PRRG4: variants seen among roughly 807,000 people sequenced by gnomAD.
PRRG4 encodes transmembrane gamma-carboxyglutamic acid protein 4.
PRRG4 carries 12 observed loss-of-function variants against 20.0 expected under a neutral mutation model. The observed-to-expected ratio is 0.60, with a 90% CI of 0.38 to 0.97. The LOEUF is 0.97. Ranked by LOEUF, PRRG4 falls within the 50% of genes least tolerant of loss-of-function variation. The pLI is 0.00. For missense variants in PRRG4, 199 were observed against 265.1 expected (o/e 0.75, Z 1.73); for synonymous variants, 94 against 96.4 (o/e 0.98, Z 0.15).
intron 3 of PRRG4, among the ~76,000 whole-genome samples, chr11:32,837,519 TGATGATGATGATGATG>T (rs1851031812): frequency 1.9e-5 from 2 of 105,644 alleles, no homozygotes; most frequent in African/African-American, 7.5e-5. Flanking sequence ...ATGATGATGA[TGATGATGATGATGATG>T]ATGATGATTA....
chr11:32,844,520 A>T (rs2133445859), intron 5 of PRRG4, among the ~76,000 whole-genome samples: 1 of 134,838 alleles, frequency 7.4e-6, no homozygotes, highest in East Asian at 2.2e-4. Context: ...TATTATTTTG[A>T]GACGGAGTCT....
chr11:32,837,125 C>T (rs1851027381), intron 3 of PRRG4, among the ~76,000 whole-genome samples: 1 of 152,060 alleles, frequency 6.6e-6, no homozygotes, highest in Admixed American at 6.6e-5. Context: ...AGTGCTCTAA[C>T]TCAGGCTTCA....
chr11:32,837,537 TGATG>T (rs1565113870), intron 3 of PRRG4, among the ~76,000 whole-genome samples: 6,128 of 98,016 alleles, frequency 0.063, 139 homozygotes, highest in South Asian at 0.091. Flanking sequence ...ATGATGATGA[TGATG>T]ATTATTATTA....
rs142407881 is a variant in PRRG4, at chr11:32,853,507, A to G, written c.661A>G (p.Met221Val). The change falls in exon 6 of 6, where the codon ATG becomes GTG. Residue 221 changes from methionine (M) to valine (V), a missense_variant. Coordinates refer to ENST00000257836, the MANE Select transcript of PRRG4 (RefSeq NM_024081.6). ...AGGATTTAGGGTATTTAAAAAATCTATGTCTCTCCCATCTCACTGACTACC... is the reference window on the plus strand; with the variant it reads ...AGGATTTAGGGTATTTAAAAAATCTGTGTCTCTCCCATCTCACTGACTACC... ...TKGFRVFKKSMSLPSH is the reference protein window; with the variant it reads ...TKGFRVFKKSVSLPSH The G allele has an allele frequency of 7.2e-5, 116 of 1,613,372 alleles. No homozygotes were observed. In the African/African-American group the frequency reaches 1.4e-3, roughly 19 times the overall value.
chr11:32,853,079 C>T (rs1033771264), intron 5 of PRRG4, among the ~76,000 whole-genome samples: 2 of 151,650 alleles, frequency 1.3e-5, no homozygotes, highest in South Asian at 2.1e-4. Context: ...TGAGCCACCA[C>T]GCCCGGCCCA....
intron 5 of PRRG4, among the ~76,000 whole-genome samples, chr11:32,846,434 A>G (rs1200969898): frequency 2.0e-5 from 3 of 152,238 alleles, no homozygotes; most frequent in Non-Finnish European, 1.5e-5. Context: ...ACTTAAGCAG[A>G]GGATTAAAAG....
intron 2 of PRRG4, among the ~76,000 whole-genome samples, chr11:32,832,595 T>G (rs1303940061): frequency 6.6e-6 from 1 of 150,864 alleles, no homozygotes; most frequent in Non-Finnish European, 1.5e-5. Flanking sequence ...ATTCTCCTGC[T>G]TCAGCCTCCC....
intron 5 of PRRG4, among the ~76,000 whole-genome samples, chr11:32,847,691 G>A (rs546684917): frequency 6.6e-6 from 1 of 152,246 alleles, no homozygotes; most frequent in African/African-American, 2.4e-5. Flanking sequence ...ACAGATACTT[G>A]TACACCAATG....
intron 2 of PRRG4, among the ~76,000 whole-genome samples, chr11:32,832,479 C>CT (rs555430349): frequency 0.54 from 65,472 of 120,816 alleles, 18,098 homozygotes; most frequent in South Asian, 0.66. Context: ...TGGTGAAATT[C>CT]TTTTTTTTTT....
At chr11:32,832,864 GAGA>G (rs1054644115) in intron 2 of PRRG4, among the ~76,000 whole-genome samples, 5 of 152,062 alleles carry the variant, frequency 3.3e-5, no homozygotes, top group Non-Finnish European at 5.9e-5. Flanking sequence ...TAGAAGTGAG[GAGA>G]AGAACGGAAT....
rs891557385 is a variant in PRRG4 at position 32,857,428 on chromosome 11, G to A, written c.*3901G>A. 6.6e-6 allele frequency: 1 copy of A among 152,414 alleles called. No homozygotes were observed. Among genetic ancestry groups the A allele is most frequent in the Non-Finnish European group, 1.5e-5 (1 of 68,206 alleles). 9.4% of individuals were successfully genotyped at this position (152,414 alleles called of 1,614,324 possible). A position where few individuals can be genotyped will look rare whatever the true frequency, so the allele number is the denominator to read the frequency against. On this transcript the variant is annotated 3_prime_UTR_variant, in exon 6 of 6. Coordinates refer to ENST00000257836, the MANE Select transcript of PRRG4 (RefSeq NM_024081.6). ...AGCCTCCCAAAGGGCTGGGATTACA[G>A]GCGTGAGCCACTGTGCCTGGCCCCA...
rs1851219035 is a variant in PRRG4, at chr11:32,855,064, A to G, written c.*1537A>G. 1 of 152,216 alleles carries G rather than the reference A, an allele frequency of 6.6e-6. No individual in the cohort carries two copies. Among genetic ancestry groups the G allele is most frequent in the Non-Finnish European group, 1.5e-5 (1 of 68,032 alleles). The allele number at this position is 152,216 out of a possible 1,614,324, so 9.4% of individuals were successfully genotyped here. On this transcript the variant is annotated 3_prime_UTR_variant, in exon 6 of 6. Transcript: ENST00000257836. ...TAAGTAATAGTTTGAGAATGTGGAA[A>G]AAGTAATTTGCTTTTCTGCTCTTAA...
chr11:32,839,391 GT>G (rs1195180521), intron 4 of PRRG4, among the ~76,000 whole-genome samples: 1 of 151,918 alleles, frequency 6.6e-6, no homozygotes, highest in Non-Finnish European at 1.5e-5. Context: ...TTAGTCAGGT[GT>G]TTTTTTCGCC....
At chr11:32,832,148 A>G (rs1279756593) in intron 2 of PRRG4, among the ~76,000 whole-genome samples, 2 of 152,206 alleles carry the variant, frequency 1.3e-5, no homozygotes, top group Admixed American at 6.5e-5. Flanking sequence ...TGAAAAGACA[A>G]CTTGTTCAGT....
At chr11:32,837,733 A>T (rs1389211313) in intron 3 of PRRG4, among the ~76,000 whole-genome samples, 1 of 151,444 alleles carries the variant, frequency 6.6e-6, no homozygotes, top group African/African-American at 2.4e-5. Context: ...AATTTTTTGT[A>T]TTTTAGTAGA....
chr11:32,833,290 TATC>T (rs1850991095), intron 2 of PRRG4, among the ~76,000 whole-genome samples: 2 of 152,186 alleles, frequency 1.3e-5, no homozygotes, highest in African/African-American at 4.8e-5. Context: ...TAATCATAAA[TATC>T]ATATTTATGA....
rs142236756 is a variant in PRRG4 at position 32,831,041 on chromosome 11, C to G, written c.103+409C>G. ...GACCCTGGGCGAGATAACTTAATCCCGTTTGGCTTGAATGTCTTCATCTGT... is the reference window on the plus strand; with the variant it reads ...GACCCTGGGCGAGATAACTTAATCCGGTTTGGCTTGAATGTCTTCATCTGT... On this transcript the variant is annotated intron_variant, in intron 2 of 5. Transcript: ENST00000257836. Among the ~76,000 whole-genome samples the G allele has an allele frequency of 5.5e-4, 83 of 152,218 alleles. No homozygotes were observed. The East Asian group carries it at 0.015, about 28-fold the overall frequency.
At chr11:32,837,329 C>A (rs7950261) in intron 3 of PRRG4, among the ~76,000 whole-genome samples, 7 of 151,956 alleles carry the variant, frequency 4.6e-5, no homozygotes, top group African/African-American at 1.7e-4. Flanking sequence ...GGATACAAAA[C>A]ATATAGCCCT....
intron 2 of PRRG4, among the ~76,000 whole-genome samples, chr11:32,832,479 C>CTTTTTCTTTTTT (rs761893280): frequency 8.2e-6 from 1 of 121,268 alleles, no homozygotes; most frequent in Non-Finnish European, 1.6e-5. Context: ...TGGTGAAATT[C>CTTTTTCTTTTTT]TTTTTTTTTT....
Sources: allele counts gnomAD v4.1 joint callset (sites outside exome capture counted in the v4.1 genomes callset), GRCh38; gene constraint gnomAD v4.1.1; transcripts MANE v1.5; gene names NCBI Gene and HGNC (gene_info 2026-07-23, HGNC 2026-07-21).